Variants in CDH11 observed in about 807,000 individuals in gnomAD.
The protein encoded by CDH11 is cadherin-11.
A neutral mutation model predicts 67.8 loss-of-function variants in CDH11; 11 were observed. That is an observed-to-expected ratio of 0.16 (90% CI 0.10 to 0.27). The LOEUF is 0.27. CDH11 is among the 10% of genes least tolerant of loss of function. The probability of loss-of-function intolerance (pLI) is 1.00; values close to 1 mark genes in which losing one functional copy is unlikely to be tolerated. For synonymous variants in CDH11, 419 were observed against 400.0 expected, an observed-to-expected ratio of 1.05 and a Z score of -0.57; for missense variants, 847 against 1,031.2, an observed-to-expected ratio of 0.82 and a Z score of 2.45.
At chr16:64,970,420 C>T (rs2071972162) in intron 11 of CDH11, among the ~76,000 whole-genome samples, 1 of 152,054 alleles carries the variant, frequency 6.6e-6, no homozygotes, top group African/African-American at 2.4e-5. Flanking sequence ...TTAAACCCAG[C>T]CGTAACTTTT....
intron 2 of CDH11, among the ~76,000 whole-genome samples, chr16:65,043,431 T>C (rs1297335155): frequency 1.3e-5 from 2 of 152,162 alleles, no homozygotes; most frequent in East Asian, 3.9e-4. Flanking sequence ...AGAAGATGTG[T>C]GATGCAGCCC....
chr16:64,967,671 T>C (rs908006285), intron 11 of CDH11, among the ~76,000 whole-genome samples: 1 of 152,142 alleles, frequency 6.6e-6, no homozygotes, highest in South Asian at 2.1e-4. Context: ...AGTGGACATA[T>C]ATTTCACAGT....
intron 8 of CDH11, among the ~76,000 whole-genome samples, chr16:64,976,824 G>A (rs769894896): frequency 6.6e-6 from 1 of 151,606 alleles, no homozygotes; most frequent in Non-Finnish European, 1.5e-5. Context: ...CTCCAGCCTG[G>A]GCAACAGAGT....
chr16:65,004,376 AT>A (rs1361903453), intron 3 of CDH11, among the ~76,000 whole-genome samples: 1 of 152,228 alleles, frequency 6.6e-6, no homozygotes, highest in East Asian at 1.9e-4. Flanking sequence ...CCATATCTAA[AT>A]AATATGGTAA....
At chr16:64,969,460 G>T (rs904928502) in intron 11 of CDH11, among the ~76,000 whole-genome samples, 3 of 152,168 alleles carry the variant, frequency 2.0e-5, no homozygotes, top group Non-Finnish European at 4.4e-5. Flanking sequence ...TGAGAAGCTA[G>T]ACAAAAGATG....
intron 1 of CDH11, among the ~76,000 whole-genome samples, chr16:65,117,311 C>A (rs1473883610): frequency 6.6e-6 from 1 of 152,122 alleles, no homozygotes; most frequent in African/African-American, 2.4e-5. Flanking sequence ...AATAAGTAGC[C>A]ACTTAAAACA....
At chr16:65,016,158 G>A (rs1033622287) in intron 2 of CDH11, among the ~76,000 whole-genome samples, 6 of 152,078 alleles carry the variant, frequency 3.9e-5, no homozygotes, top group Admixed American at 3.9e-4. Context: ...TGGCTTTTTC[G>A]TATATCTATA....
intron 6 of CDH11, among the ~76,000 whole-genome samples, chr16:64,990,174 G>A (rs1347933030): frequency 6.6e-6 from 1 of 152,160 alleles, no homozygotes; most frequent in Non-Finnish European, 1.5e-5. Flanking sequence ...ATGACCAAGG[G>A]CAGTAAAGGC....
intron 1 of CDH11, among the ~76,000 whole-genome samples, chr16:65,087,057 G>A (rs894492183): frequency 2.0e-5 from 3 of 152,150 alleles, no homozygotes; most frequent in African/African-American, 7.2e-5. Flanking sequence ...AGGCCAGCAT[G>A]CCCTAGAATC....
At chr16:64,989,578 C>G (rs1208179920) in intron 6 of CDH11, among the ~76,000 whole-genome samples, 1 of 151,932 alleles carries the variant, frequency 6.6e-6, no homozygotes, top group East Asian at 1.9e-4. Context: ...TGCAGAGGAG[C>G]AAGAGGAGGA....
chr16:65,098,914 A>G (rs2074944068), intron 1 of CDH11, among the ~76,000 whole-genome samples: 1 of 152,162 alleles, frequency 6.6e-6, no homozygotes, highest in Non-Finnish European at 1.5e-5. Context: ...AATCTGTTTA[A>G]AAAAGGTAAG....
At chr16:65,113,402 T>A (rs1368328313) in intron 1 of CDH11, among the ~76,000 whole-genome samples, 1 of 152,116 alleles carries the variant, frequency 6.6e-6, no homozygotes, top group Non-Finnish European at 1.5e-5. Flanking sequence ...CTTGGGCAAG[T>A]CCTGGTTCCT....
At chr16:65,012,594 G>T (rs1032659600) in intron 2 of CDH11, among the ~76,000 whole-genome samples, 3 of 152,138 alleles carry the variant, frequency 2.0e-5, no homozygotes, top group Admixed American at 2.0e-4. Flanking sequence ...CATTTAAATA[G>T]CAGAACACAA....
In CDH11 at chr16:65,038,369, C is replaced by T. The variant is rs1006403465; in HGVS notation, c.-173+15435G>A. Among the ~76,000 whole-genome samples, 7 of 152,250 alleles carry T rather than the reference C, an allele frequency of 4.6e-5. No individual in the cohort carries two copies. In the South Asian group the frequency reaches 6.2e-4, roughly 14 times the overall value. ...GCAGCAGTATTTACAAATCCTGAGT[C>T]GGATTTCCATCCTGTACAACAGGAT... On this transcript the variant is annotated intron_variant, in intron 2 of 12. Transcript: ENST00000268603.
At chr16:65,001,227 C>T (rs2072912903) in intron 3 of CDH11, among the ~76,000 whole-genome samples, 1 of 152,148 alleles carries the variant, frequency 6.6e-6, no homozygotes, top group African/African-American at 2.4e-5. Context: ...AATAAACAGA[C>T]TTTTCTTCAG....
At chr16:65,120,394 T>C (rs370328431) in intron 1 of CDH11, among the ~76,000 whole-genome samples, 1 of 152,302 alleles carries the variant, frequency 6.6e-6, no homozygotes, top group African/African-American at 2.4e-5. Flanking sequence ...ATCCGTCCTC[T>C]AGCCAGATTA....
Position 64,988,314 on chromosome 16 carries a change from G to A in CDH11, c.842C>T (p.Ala281Val), listed in dbSNP as rs759696737. ...SVYQMSVSEA[A>V]VPGEEVGRVK... is the part of the protein sequence containing the mutation. The stretch of plus-strand genomic sequence containing the variant: ...TCTTCCTACTTCCTCCCCAGGGACG[G>A]CTGCTTCTGACACAGACATCTGGTA... Residue 281 changes from alanine to valine, a missense_variant, in exon 7 of 13, where the codon GCC becomes GTC. Coordinates refer to ENST00000268603, the MANE Select transcript of CDH11 (RefSeq NM_001797.4). 78 of 1,612,922 alleles carry A rather than the reference G, an allele frequency of 4.8e-5. No individual in the cohort carries two copies. The highest frequency in any genetic ancestry group is 6.0e-5 in the Non-Finnish European group (71 of 1,179,472).
intron 11 of CDH11, among the ~76,000 whole-genome samples, chr16:64,964,382 A>C (rs2071754018): frequency 6.6e-6 from 1 of 152,164 alleles, no homozygotes; most frequent in African/African-American, 2.4e-5. Context: ...GAAACATAGA[A>C]AAAGTACAGT....
chr16:65,009,994 T>C (rs1268571108), intron 2 of CDH11, among the ~76,000 whole-genome samples: 2 of 152,198 alleles, frequency 1.3e-5, no homozygotes, highest in Admixed American at 1.3e-4. Flanking sequence ...TTAAGTATAT[T>C]TGGACTCCTG....
Sources: gnomAD v4.1 joint callset for allele counts (sites outside exome capture counted in the v4.1 genomes callset) on GRCh38, gnomAD v4.1.1 for gene constraint, MANE v1.5 for transcripts, NCBI Gene and HGNC (gene_info 2026-07-23, HGNC 2026-07-21) for gene names.